RYR3: variants seen among roughly 807,000 people sequenced by gnomAD.
RYR3 encodes the protein ryanodine receptor 3.
A neutral mutation model predicts 584.3 loss-of-function variants in RYR3; 207 were observed. That is an observed-to-expected ratio of 0.35 (90% confidence interval 0.32 to 0.40). RYR3 has a LOEUF of 0.40. Ranked by LOEUF, RYR3 falls within the 10% of genes least tolerant of loss-of-function variation. RYR3 has a pLI of 1.00. For missense variants in RYR3, 5,616 were observed against 6,089.2 expected (o/e 0.92, Z 2.59); for synonymous variants, 2,416 against 2,248.5 (o/e 1.07, Z -2.11).
chr15:33,470,864 C>T (rs2048870016), intron 1 of RYR3, among the ~76,000 whole-genome samples: 1 of 152,092 alleles, frequency 6.6e-6, no homozygotes, highest in South Asian at 2.1e-4. Flanking sequence ...GAAATGACAT[C>T]CTTCAGCAAT....
At chr15:33,834,119 T>TA (rs1476895765) in intron 86 of RYR3, among the ~76,000 whole-genome samples, 1 of 151,988 alleles carries the variant, frequency 6.6e-6, no homozygotes, top group Non-Finnish European at 1.5e-5. Flanking sequence ...CTGTCTCTAC[T>TA]AAAAATATAA....
At chr15:33,366,203 T>C (rs1391963315) in intron 1 of RYR3, among the ~76,000 whole-genome samples, 1 of 152,216 alleles carries the variant, frequency 6.6e-6, no homozygotes, top group African/African-American at 2.4e-5. Context: ...ATGTGTTTTA[T>C]GAATTAATTA....
rs561830750 is a variant in RYR3 at position 33,339,029 on chromosome 15, G to A, written c.51+27933G>A. ...GGAGGCAGGGAGTCAGAGGGCTTCCGAAGACTGGTCATATTCTCTTTCTTA... is the reference window on the plus strand; with the variant it reads ...GGAGGCAGGGAGTCAGAGGGCTTCCAAAGACTGGTCATATTCTCTTTCTTA... On this transcript the variant is annotated intron_variant, in intron 1 of 103. Transcript: ENST00000634891. Among the ~76,000 whole-genome samples the A allele has an allele frequency of 4.6e-5, 7 of 152,314 alleles. No homozygotes were observed. In the East Asian group the frequency reaches 1.4e-3, roughly 29 times the overall value.
chr15:33,798,178 T>C (rs2075731549), intron 67 of RYR3, among the ~76,000 whole-genome samples: 1 of 152,144 alleles, frequency 6.6e-6, no homozygotes. Context: ...AACCTCCGCC[T>C]CCCAGGCTCA....
At chr15:33,679,888 TA>T (rs2064461225) in intron 38 of RYR3, among the ~76,000 whole-genome samples, 1 of 152,348 alleles carries the variant, frequency 6.6e-6, no homozygotes, top group East Asian at 1.9e-4. Flanking sequence ...TATGGTTTAT[TA>T]AAAGAGCATC....
At chr15:33,788,515 C>T (rs987239881) in intron 67 of RYR3, 57 bp downstream of exon 67, 1 of 1,587,834 alleles carries the variant, frequency 6.3e-7, no homozygotes, top group African/African-American at 1.4e-5. Flanking sequence ...GTTTAGGCAA[C>T]AGAATAAAAT....
chr15:33,503,696 G>A lies in RYR3; in HGVS notation c.237G>A (p.Leu79=). The A allele has an allele frequency of 6.2e-7, 1 of 1,613,004 alleles. No individual in the cohort carries two copies. Among genetic ancestry groups the A allele is most frequent in the South Asian group, 1.1e-5 (1 of 90,608 alleles). The change falls in exon 3 of 104, where the codon CTG becomes CTA. Residue 79 remains leucine, a synonymous_variant. Transcript: ENST00000634891. ...AACAGTCCCTATCTGTCAGAGCCCT[G>A]CAGGAAATGCTTGCCAACACAGGTG... ...VLEQSLSVRA[L]QEMLANTGEN...
chr15:33,531,563 C>T (rs2054871242), intron 4 of RYR3, among the ~76,000 whole-genome samples: 1 of 151,950 alleles, frequency 6.6e-6, no homozygotes, highest in Non-Finnish European at 1.5e-5. Flanking sequence ...CAAAGTTCAT[C>T]TCAAGGCTTG....
intron 20 of RYR3, among the ~76,000 whole-genome samples, chr15:33,625,888 AGAG>A (rs766335873): frequency 2.6e-5 from 4 of 152,212 alleles, no homozygotes; most frequent in Admixed American, 6.5e-5. Flanking sequence ...TAGGCAGATA[AGAG>A]GAGTCCAGAA....
At chr15:33,328,521 G>A (rs544512958) in intron 1 of RYR3, among the ~76,000 whole-genome samples, 35 of 152,164 alleles carry the variant, frequency 2.3e-4, no homozygotes, top group Non-Finnish European at 5.0e-4. Flanking sequence ...ATTAAAGTGA[G>A]TGCCCCAGAT....
At chr15:33,748,728 G>A (rs1165654469) in intron 55 of RYR3, among the ~76,000 whole-genome samples, 198 bp downstream of exon 55, 2 of 152,110 alleles carry the variant, frequency 1.3e-5, no homozygotes, top group African/African-American at 2.4e-5. Flanking sequence ...GAGGCTTTGC[G>A]CTTCTTCTAA....
At chr15:33,601,898 C>CT (rs964885374) in intron 17 of RYR3, among the ~76,000 whole-genome samples, 2 of 152,288 alleles carry the variant, frequency 1.3e-5, no homozygotes, top group Admixed American at 6.5e-5. Context: ...TATATACCAA[C>CT]TTTTTTTCTG....
At chr15:33,786,797 C>CT (rs1278425185) in intron 66 of RYR3, among the ~76,000 whole-genome samples, 1 of 152,168 alleles carries the variant, frequency 6.6e-6, no homozygotes, top group African/African-American at 2.4e-5. Context: ...CTAAAGGGAA[C>CT]TATTAATCCA....
In RYR3 at chr15:33,492,141, ATATATTTTTAAG is replaced by A. The variant is rs547271973; in HGVS notation, c.172-11488_172-11477del. On this transcript the variant is annotated intron_variant, in intron 2 of 103. Coordinates refer to ENST00000634891, the MANE Select transcript of RYR3 (RefSeq NM_001036.6). ...GCAGTGCTAAATCCATGCCCAGTGTATATATTTTTAAGTGTCTGTGATGAGTGTTACGTGCTT... is the reference window on the plus strand; with the variant it reads ...GCAGTGCTAAATCCATGCCCAGTGTATGTCTGTGATGAGTGTTACGTGCTT... 3.7e-4 allele frequency among the ~76,000 whole-genome samples: 57 copies of A among 152,288 alleles called. 2 individuals carry two copies. In the South Asian group the frequency reaches 0.012, roughly 31 times the overall value.
intron 4 of RYR3, 101 bp downstream of exon 4, chr15:33,530,767 A>AC (rs2054801820): frequency 1.2e-6 from 1 of 845,754 alleles, no homozygotes; most frequent in Admixed American, 2.0e-5. Flanking sequence ...AGCAGGAACA[A>AC]TTGGAACATA....
At chr15:33,759,310 G>C (rs1223836652) in intron 60 of RYR3, among the ~76,000 whole-genome samples, 1 of 152,196 alleles carries the variant, frequency 6.6e-6, no homozygotes, top group East Asian at 1.9e-4. Flanking sequence ...CAAATTGACA[G>C]AAGTAGGCTT....
At chr15:33,384,473 A>T (rs1168671411) in intron 1 of RYR3, among the ~76,000 whole-genome samples, 1 of 76,688 alleles carries the variant, frequency 1.3e-5, no homozygotes, top group East Asian at 3.3e-4. Flanking sequence ...ATATTATAAT[A>T]TTATATTTTA....
intron 20 of RYR3, among the ~76,000 whole-genome samples, chr15:33,625,397 C>T (rs999194146): frequency 6.6e-6 from 1 of 152,110 alleles, no homozygotes; most frequent in African/African-American, 2.4e-5. Flanking sequence ...CACAGAGTAC[C>T]TTAATGGGGA....
chr15:33,799,396 A>G (rs1415064629), intron 67 of RYR3, among the ~76,000 whole-genome samples: 1 of 152,098 alleles, frequency 6.6e-6, no homozygotes, highest in African/African-American at 2.4e-5. Flanking sequence ...TTAATAACCA[A>G]TGGCCAGGGG....
Sources: allele counts gnomAD v4.1 joint callset (sites outside exome capture counted in the v4.1 genomes callset), GRCh38; gene constraint gnomAD v4.1.1; transcripts MANE v1.5; gene names NCBI Gene and HGNC (gene_info 2026-07-23, HGNC 2026-07-21).